Variants in CCDC88A observed in about 807,000 individuals in gnomAD.
CCDC88A encodes girdin.
In CCDC88A, 54 loss-of-function variants were observed where a neutral mutation model predicts 234.3. That is an observed-to-expected ratio of 0.23 (90% CI 0.19 to 0.29). The LOEUF is 0.29. Ranked by LOEUF, CCDC88A falls within the 10% of genes least tolerant of loss-of-function variation. CCDC88A has a pLI of 1.00. For synonymous variants in CCDC88A, 753 were observed against 737.8 expected, an observed-to-expected ratio of 1.02 and a Z score of -0.33; for missense variants, 1,832 against 2,123.4, an observed-to-expected ratio of 0.86 and a Z score of 2.70.
rs1292613176 is a variant in CCDC88A at position 55,419,381 on chromosome 2, T to A, written c.-302A>T. ...GGAGGAGGAGGAAGGGAAAGGGGGC[T>A]GGAACCCAAGACAAAAAGCCCGTCA... On this transcript the variant is annotated 5_prime_UTR_variant, in exon 1 of 33. Coordinates refer to ENST00000436346, the MANE Select transcript of CCDC88A (RefSeq NM_001365480.1). The A allele has an allele frequency of 5.4e-6, 2 of 368,022 alleles. No homozygotes were observed. The highest frequency in any genetic ancestry group is 8.8e-5 in the Admixed American group (2 of 22,692). The allele number at this position is 368,022 out of a possible 1,614,324, so 22.8% of individuals were successfully genotyped here.
At chr2:55,377,045 G>C (rs1673759672) in intron 3 of CCDC88A, among the ~76,000 whole-genome samples, 1 of 152,100 alleles carries the variant, frequency 6.6e-6, no homozygotes, top group Non-Finnish European at 1.5e-5. Flanking sequence ...TCTTGGCCAG[G>C]CTGGTCTTGA....
chr2:55,394,264 T>A (rs1190528846), intron 2 of CCDC88A: 1 of 152,240 alleles, frequency 6.6e-6, no homozygotes, highest in Admixed American at 6.5e-5. Flanking sequence ...GAACTCATCA[T>A]CATTTTTTAT....
intron 3 of CCDC88A, among the ~76,000 whole-genome samples, chr2:55,382,095 A>C (rs868314234): frequency 2.6e-5 from 4 of 152,238 alleles, no homozygotes; most frequent in Non-Finnish European, 5.9e-5. Context: ...GACCAGTGTC[A>C]AAAATATGAT....
intron 3 of CCDC88A, among the ~76,000 whole-genome samples, chr2:55,384,563 ATATATACG>A (rs1675193217): frequency 1.0e-5 from 1 of 95,852 alleles, no homozygotes; most frequent in Non-Finnish European, 2.1e-5. Flanking sequence ...ATATATACAC[ATATATACG>A]TATATATGTG....
chr2:55,301,764 G>GAT, intron 27 of CCDC88A, 108 bp downstream of exon 27: 1 of 884,314 alleles, frequency 1.1e-6, no homozygotes, highest in Non-Finnish European at 1.8e-6. Flanking sequence ...ATCATGTTTT[G>GAT]ATAATTATTT....
chr2:55,343,554 A>AT (rs1343565259), intron 12 of CCDC88A, 94 bp downstream of exon 12: 2 of 907,512 alleles, frequency 2.2e-6, no homozygotes, highest in Non-Finnish European at 3.3e-6. Context: ...GTCTTCTGAG[A>AT]TATCTCCCAC....
At position 55,419,469 on chromosome 2, in the gene CCDC88A, G is replaced by A. The variant is rs192910065; in HGVS notation, c.-390C>T. The A allele has an allele frequency of 9.8e-6, 2 of 203,382 alleles. No individual in the cohort carries two copies. The highest frequency in any genetic ancestry group is 1.4e-4 in the East Asian group (1 of 7,352). 12.6% of individuals were successfully genotyped at this position (203,382 alleles called of 1,614,324 possible). A position where few individuals can be genotyped will look rare whatever the true frequency, so the allele number is the denominator to read the frequency against. ...CTGCTCCCAATGAATCAATCCCAAC[G>A]GGGGCTAAATGAAATACGTTAAACA... On this transcript the variant is annotated 5_prime_UTR_variant, in exon 1 of 33. Transcript: ENST00000436346.
chr2:55,365,816 C>A (rs3099079), intron 5 of CCDC88A, among the ~76,000 whole-genome samples: 67,255 of 152,064 alleles, frequency 0.44, 16,199 homozygotes, highest in East Asian at 0.85. Flanking sequence ...AAAATATTCA[C>A]ACTTTGAAGC....
chr2:55,308,912 A>T lies in CCDC88A; in HGVS notation c.4284T>A (p.Ser1428Arg). ...LTLTPTRSDSSEGFLQLPHQD... is the reference protein window; with the variant it reads ...LTLTPTRSDSREGFLQLPHQD... ...GATGAGGGAGCTGAAGAAATCCTTC[A>T]CTGGAGTCTGAGCGGGTGGGTGTTA... Residue 1428 changes from serine (S) to arginine (R), a missense_variant, in exon 25 of 33, where the codon AGT (serine) becomes AGA (arginine). Physicochemically the swap from Ser to Arg is moderately radical, Grantham distance 110. Coordinates refer to ENST00000436346, the MANE Select transcript of CCDC88A (RefSeq NM_001365480.1). 6.2e-7 allele frequency: 1 copy of T among 1,614,004 alleles called. No individual in the cohort carries two copies. The highest frequency in any genetic ancestry group is 1.1e-5 in the South Asian group (1 of 91,076).
intron 18 of CCDC88A, among the ~76,000 whole-genome samples, chr2:55,319,637 G>A (rs1353709323): frequency 6.6e-6 from 1 of 151,952 alleles, no homozygotes; most frequent in Non-Finnish European, 1.5e-5. Flanking sequence ...AAGACTCCTG[G>A]AGCATTTCCA....
chr2:55,319,179 A>C (rs574266415), intron 18 of CCDC88A, among the ~76,000 whole-genome samples, 175 bp from the exon 19 acceptor site: 26 of 152,244 alleles, frequency 1.7e-4, no homozygotes, highest in South Asian at 4.1e-4. Flanking sequence ...CCAAATTGTA[A>C]ACAGACATTT....
At chr2:55,387,495 T>C (rs116804245) in intron 3 of CCDC88A, among the ~76,000 whole-genome samples, 561 of 151,886 alleles carry the variant, frequency 3.7e-3, no homozygotes, top group African/African-American at 0.011. Context: ...AAACAATTAC[T>C]GATAGGCCAG....
chr2:55,364,251 C>T (rs1349371660), intron 5 of CCDC88A: 2 of 364,070 alleles, frequency 5.5e-6, no homozygotes, highest in East Asian at 5.2e-5. Flanking sequence ...TATTTTTATG[C>T]TGGAAAGTTC....
At chr2:55,312,353 T>A in intron 23 of CCDC88A, 81 bp downstream of exon 23, 1 of 1,263,172 alleles carries the variant, frequency 7.9e-7, no homozygotes, top group Non-Finnish European at 1.1e-6. Context: ...AAAATTAGCA[T>A]GAATTTTCTC....
intron 25 of CCDC88A, chr2:55,308,177 T>C (rs6721211): frequency 0.17 from 26,218 of 152,146 alleles, 5,135 homozygotes; most frequent in African/African-American, 0.49. Context: ...TCAGGTGATC[T>C]GCCCACCTCG....
At chr2:55,384,920 G>C (rs1288684132) in intron 3 of CCDC88A, among the ~76,000 whole-genome samples, 3 of 151,894 alleles carry the variant, frequency 2.0e-5, no homozygotes, top group Non-Finnish European at 4.4e-5. Flanking sequence ...GCCTTCCAAA[G>C]TGCTGGGATT....
chr2:55,300,281 T>G, intron 28 of CCDC88A: 1 of 210,570 alleles, frequency 4.7e-6, no homozygotes, highest in South Asian at 8.5e-5. Context: ...CTCTGCACAT[T>G]GCAGAGATGT....
rs1347565966 is a variant in CCDC88A, at chr2:55,301,157, C to T, written c.4744+49G>A. 4 of 1,109,418 alleles carry T rather than the reference C, an allele frequency of 3.6e-6. No homozygotes were observed. The South Asian group carries it at 5.3e-5, about 15-fold the overall frequency. The allele number at this position is 1,109,418 out of a possible 1,614,324, so 68.7% of individuals were successfully genotyped here. A position where few individuals can be genotyped will look rare whatever the true frequency, so the allele number is the denominator to read the frequency against. On this transcript the variant is annotated intron_variant, in intron 28 of 32. Transcript: ENST00000436346. ...TATTAAAGGCAAGAGTCCTAGCATT[C>T]CCATTCTGTATTTAATGTGTACTCT...
chr2:55,372,555 C>A, intron 4 of CCDC88A, 45 bp from the exon 5 acceptor site: 1 of 907,150 alleles, frequency 1.1e-6, no homozygotes. Context: ...GCTATATTTT[C>A]AACTCTATTA....
Sources: gnomAD v4.1 joint callset for allele counts (sites outside exome capture counted in the v4.1 genomes callset) on GRCh38, gnomAD v4.1.1 for gene constraint, MANE v1.5 for transcripts, NCBI Gene and HGNC (gene_info 2026-07-23, HGNC 2026-07-21) for gene names.